RBFOX1: variants seen among roughly 807,000 people sequenced by gnomAD.
RBFOX1 encodes the protein RNA binding fox-1 homolog 1, also known as RNA binding protein fox-1 homolog 1.
RBFOX1 carries 8 observed loss-of-function variants against 57.7 expected under a neutral mutation model. The observed-to-expected ratio is 0.14, with a 90% CI of 0.08 to 0.25. The LOEUF is 0.25. Ranked by LOEUF, RBFOX1 falls within the 10% of genes least tolerant of loss-of-function variation. The pLI, the probability that RBFOX1 is intolerant of heterozygous loss-of-function variation, is 1.00. For synonymous variants in RBFOX1, 326 were observed against 222.4 expected (o/e 1.47, Z -4.15); for missense variants, 611 against 548.5 (o/e 1.11, Z -1.14).
Position 5,553,531 on chromosome 16 carries a change from G to T in RBFOX1, c.259-45371G>T, listed in dbSNP as rs143177049. 8.9e-3 allele frequency among the ~76,000 whole-genome samples: 1,350 copies of T among 152,110 alleles called. 10 individuals are homozygous for T. The highest frequency in any genetic ancestry group is 0.015 in the Non-Finnish European group (1,016 of 68,010). Reference sequence around the variant, plus strand: ...AGGGTTTCACTGTGTTAGCCAGGATGGTCTCAATCTCCTGACTTCGTGATC... The same window carrying T: ...AGGGTTTCACTGTGTTAGCCAGGATTGTCTCAATCTCCTGACTTCGTGATC... On this transcript the variant is annotated intron_variant, in intron 2 of 2. Coordinates refer to the RBFOX1 transcript ENST00000585867.
intron 2 of RBFOX1, among the ~76,000 whole-genome samples, chr16:5,480,983 G>C (rs1267088356): frequency 1.3e-5 from 2 of 152,182 alleles, no homozygotes; most frequent in African/African-American, 4.8e-5. Context: ...AGTCTGAGCT[G>C]AGCATTCATG....
intron 4 of RBFOX1, among the ~76,000 whole-genome samples, chr16:7,441,425 C>T (rs1036406164): frequency 6.6e-6 from 1 of 152,092 alleles, no homozygotes. Context: ...CCTAAGCCTC[C>T]CATTACAGAA....
chr16:6,363,615 C>A (rs1043038177), intron 2 of RBFOX1, among the ~76,000 whole-genome samples: 3 of 152,218 alleles, frequency 2.0e-5, no homozygotes, highest in Admixed American at 6.5e-5. Context: ...ACAGCAGTGA[C>A]AGCACAACAA....
chr16:7,025,628 G>GT lies in RBFOX1; in HGVS notation c.-15-26429_-15-26428insT, dbSNP rs1038265013. Among the ~76,000 whole-genome samples the GT allele has an allele frequency of 3.9e-5, 6 of 152,144 alleles. No homozygotes were observed. The East Asian group carries it at 1.2e-3, about 30-fold the overall frequency. On this transcript the variant is annotated intron_variant, in intron 3 of 15. Transcript: ENST00000550418. ...AGCTAAGGAGACCTGGGCATGTCCT[G>GT]GGGGGGTTTTGGATAGAGGGGGGCA...
At chr16:5,806,228 G>A (rs1378049095) in intron 3 of RBFOX1, among the ~76,000 whole-genome samples, 2 of 152,190 alleles carry the variant, frequency 1.3e-5, no homozygotes, top group Non-Finnish European at 2.9e-5. Context: ...ATAACAAAAT[G>A]ATGAGACTGA....
intron 3 of RBFOX1, among the ~76,000 whole-genome samples, chr16:6,834,911 G>C (rs1444455969): frequency 1.3e-5 from 1 of 75,058 alleles, no homozygotes; most frequent in African/African-American, 5.0e-5. Context: ...TTTTTTTTTT[G>C]AGATGGTGTC....
At chr16:6,985,057 C>T (rs1436686630) in intron 3 of RBFOX1, among the ~76,000 whole-genome samples, 2 of 152,142 alleles carry the variant, frequency 1.3e-5, no homozygotes, top group Admixed American at 1.3e-4. Context: ...GAGTTAGTTC[C>T]TCTGGATTTC....
intron 4 of RBFOX1, among the ~76,000 whole-genome samples, chr16:7,134,117 C>A (rs779817993): frequency 6.6e-6 from 1 of 152,086 alleles, no homozygotes; most frequent in Non-Finnish European, 1.5e-5. Context: ...GACTGCCCTG[C>A]AAATACAATA....
chr16:7,426,137 C>T (rs959833276), intron 4 of RBFOX1, among the ~76,000 whole-genome samples: 8 of 152,184 alleles, frequency 5.3e-5, no homozygotes, highest in Non-Finnish European at 1.2e-4. Flanking sequence ...AGGCTCTTGG[C>T]CCACCCTTGC....
intron 3 of RBFOX1, among the ~76,000 whole-genome samples, chr16:5,831,564 G>T (rs941276318): frequency 7.4e-4 from 112 of 151,126 alleles, no homozygotes; most frequent in African/African-American, 2.6e-3. Flanking sequence ...ATCTCAGCTC[G>T]CTGCAACCTC....
intron 1 of RBFOX1, among the ~76,000 whole-genome samples, chr16:6,053,723 G>C (rs534154637): frequency 3.9e-5 from 6 of 152,242 alleles, no homozygotes; most frequent in Admixed American, 3.3e-4. Flanking sequence ...GGCATTTCCA[G>C]TGTCTTAGTC....
intron 1 of RBFOX1, among the ~76,000 whole-genome samples, chr16:5,422,771 G>C (rs1379853834): frequency 7.3e-6 from 1 of 137,756 alleles, no homozygotes; most frequent in African/African-American, 2.7e-5. Flanking sequence ...AGAAGATGGA[G>C]AGGGAGAAGG....
intron 1 of RBFOX1, among the ~76,000 whole-genome samples, chr16:6,098,958 T>C (rs2096275488): frequency 6.6e-6 from 1 of 152,204 alleles, no homozygotes; most frequent in Non-Finnish European, 1.5e-5. Flanking sequence ...TAAGCCACCT[T>C]CTGTAGTTCT....
intron 1 of RBFOX1, among the ~76,000 whole-genome samples, chr16:5,388,761 G>T (rs1482052201): frequency 6.6e-6 from 1 of 151,724 alleles, no homozygotes; most frequent in Non-Finnish European, 1.5e-5. Flanking sequence ...AATTTTAATA[G>T]AGACAGGGTT....
chr16:7,112,983 G>C (rs955328179), intron 4 of RBFOX1, among the ~76,000 whole-genome samples: 1 of 152,154 alleles, frequency 6.6e-6, no homozygotes, highest in South Asian at 2.1e-4. Flanking sequence ...TGCCGAATTG[G>C]TTGGTTGTTC....
chr16:6,767,846 G>A (rs984125011), intron 3 of RBFOX1, among the ~76,000 whole-genome samples: 1 of 151,364 alleles, frequency 6.6e-6, no homozygotes, highest in African/African-American at 2.4e-5. Flanking sequence ...CCCGGGAGGT[G>A]GAGGTTGCAG....
At chr16:6,122,522 A>T (rs1465058612) in intron 1 of RBFOX1, among the ~76,000 whole-genome samples, 10 of 151,958 alleles carry the variant, frequency 6.6e-5, no homozygotes, top group African/African-American at 2.4e-4. Context: ...AAGACATAAT[A>T]CCCTGCCATG....
At chr16:7,564,304 C>T (rs1391597582) in intron 5 of RBFOX1, among the ~76,000 whole-genome samples, 2 of 151,888 alleles carry the variant, frequency 1.3e-5, no homozygotes, top group African/African-American at 4.8e-5. Flanking sequence ...CTTTGGGACG[C>T]AGAGGTGGGT....
At chr16:5,532,755 C>G (rs1597423907) in intron 2 of RBFOX1, among the ~76,000 whole-genome samples, 1 of 152,200 alleles carries the variant, frequency 6.6e-6, no homozygotes, top group Non-Finnish European at 1.5e-5. Flanking sequence ...GGAATCTTCA[C>G]TCATCCAGGT....
Sources: gnomAD v4.1 joint callset for allele counts (sites outside exome capture counted in the v4.1 genomes callset) on GRCh38, gnomAD v4.1.1 for gene constraint, MANE v1.5 for transcripts, NCBI Gene and HGNC (gene_info 2026-07-23, HGNC 2026-07-21) for gene names.